The following ITGA2B variants were observed in gnomAD, a reference collection of about 807,000 sequenced individuals.
The protein encoded by ITGA2B is integrin alpha-IIb.
A neutral mutation model predicts 142.0 loss-of-function variants in ITGA2B; 91 were observed. That is an observed-to-expected ratio of 0.64 (90% CI 0.54 to 0.76). The LOEUF (loss-of-function observed/expected upper bound fraction) is 0.76. Ranked by LOEUF, ITGA2B falls within the 30% of genes least tolerant of loss-of-function variation. The pLI, the probability that ITGA2B is intolerant of heterozygous loss-of-function variation, is 0.00. For missense variants in ITGA2B, 1,231 were observed against 1,350.8 expected (o/e 0.91, Z 1.39); for synonymous variants, 536 against 567.2 (o/e 0.94, Z 0.78).
intron 12 of ITGA2B, among the ~76,000 whole-genome samples, chr17:44,381,748 C>G (rs1387864105): frequency 1.3e-5 from 2 of 152,006 alleles, no homozygotes; most frequent in Non-Finnish European, 2.9e-5. Flanking sequence ...ATCCTCCCAC[C>G]TCAGCTTCCC....
In ITGA2B at chr17:44,376,456, C is replaced by A. The variant is rs1354248844; in HGVS notation, c.2268-68G>T. 7 of 1,459,196 alleles carry A rather than the reference C, an allele frequency of 4.8e-6. No individual in the cohort carries two copies. In the Admixed American group the frequency reaches 5.0e-5, roughly 10 times the overall value. The allele number at this position is 1,459,196 out of a possible 1,614,324, so 90.4% of individuals were successfully genotyped here. A position where few individuals can be genotyped will look rare whatever the true frequency, so the allele number is the denominator to read the frequency against. ...GCCCAGTGACTTTCTGGGGGTGAGG[C>A]CAGAATTTTAGAGAGTTCAGAGAGA... On this transcript the variant is annotated intron_variant, in intron 22 of 29. Transcript: ENST00000262407.
chr17:44,383,459 C>A, intron 12 of ITGA2B, 34 bp downstream of exon 12: 2 of 1,573,360 alleles, frequency 1.3e-6, no homozygotes, highest in South Asian at 1.2e-5. Context: ...CTGTTAACCC[C>A]TCTGCAGCAA....
intron 18 of ITGA2B, among the ~76,000 whole-genome samples, chr17:44,379,140 T>TAG (rs1364258837): frequency 2.7e-5 from 4 of 150,712 alleles, no homozygotes; most frequent in Admixed American, 6.6e-5. Flanking sequence ...GTATTTTTAG[T>TAG]AGACGGGGTT....
intron 22 of ITGA2B, among the ~76,000 whole-genome samples, chr17:44,376,612 T>C (rs968141480): frequency 7.2e-5 from 11 of 151,946 alleles, no homozygotes; most frequent in African/African-American, 1.7e-4. Context: ...TTTTTTTTTT[T>C]CTTTTGAGAT....
In ITGA2B at chr17:44,379,713, A is replaced by G. The variant is rs774140212; in HGVS notation, c.1854T>C (p.His618=). ...CCTGCTCCTGCACATGGGTGTCTCC[A>G]TGCAGCACGACAGCAGGGGCCATTC... The part of the protein sequence containing the change: ...EAGMAPAVVL[H]GDTHVQEQTR... The change falls in exon 18 of 30, where the codon CAT becomes CAC. Residue 618 remains histidine, a synonymous_variant. Coordinates refer to ENST00000262407, the MANE Select transcript of ITGA2B (RefSeq NM_000419.5). 9.3e-6 allele frequency: 15 copies of G among 1,613,796 alleles called. No homozygotes were observed. The South Asian group carries it at 1.4e-4, about 15-fold the overall frequency.
chr17:44,377,213 C>T (rs2048552915), intron 21 of ITGA2B, 125 bp from the exon 22 acceptor site: 18 of 752,210 alleles, frequency 2.4e-5, no homozygotes, highest in South Asian at 2.2e-4. Context: ...TTTTTTTTTC[C>T]GAGACGGAGT....
intron 29 of ITGA2B, 148 bp downstream of exon 29, chr17:44,374,206 G>C: frequency 1.3e-6 from 1 of 776,086 alleles, no homozygotes; most frequent in Admixed American, 1.7e-5. Context: ...CCACTGGACC[G>C]AGAATGACAT....
In ITGA2B at chr17:44,389,185, T is replaced by C. The variant is rs796874056; in HGVS notation, c.188+101A>G. The stretch of plus-strand genomic sequence containing the variant: ...CCTGAATAGGCCCCACAAGTCACCT[T>C]GCTCAACTGCTATCGCAAATGGGAA... On this transcript the variant is annotated intron_variant, in intron 1 of 29. Coordinates refer to ENST00000262407, the MANE Select transcript of ITGA2B (RefSeq NM_000419.5). The C allele has an allele frequency of 7.6e-6, 10 of 1,320,480 alleles. No homozygotes were observed. The African/African-American group carries it at 1.0e-4, about 13-fold the overall frequency. 81.8% of individuals were successfully genotyped at this position (1,320,480 alleles called of 1,614,324 possible). A position where few individuals can be genotyped will look rare whatever the true frequency, so the allele number is the denominator to read the frequency against.
intron 20 of ITGA2B, 123 bp downstream of exon 20, chr17:44,378,235 AAAAT>A: frequency 7.9e-7 from 1 of 1,270,534 alleles, no homozygotes; most frequent in African/African-American, 1.5e-5. Context: ...AATTAAAAAA[AAAAT>A]AAAAAATTAC....
At position 44,375,697 on chromosome 17, in the gene ITGA2B, A is replaced by C. The variant is rs5911; in HGVS notation, c.2621T>G (p.Ile874Ser). 0.38 allele frequency: 603,919 copies of C among 1,590,510 alleles called. 114,929 individuals are homozygous for C. Among genetic ancestry groups the C allele is most frequent in the East Asian group, 0.43 (18,936 of 44,064 alleles). ...CGGGTGAATGGGGGAGGGGCTGGGGATGGGCAGCCCCCAGTCCACCTGGGG... is the reference window on the plus strand; with the variant it reads ...CGGGTGAATGGGGGAGGGGCTGGGGCTGGGCAGCCCCCAGTCCACCTGGGG... The part of the protein sequence containing the change: ...NPLKVDWGLP[I>S]PSPSPIHPAH... Residue 874 changes from isoleucine to serine, a missense_variant, in exon 26 of 30, where the codon ATC becomes AGC. Physicochemically the swap from Ile to Ser is moderately radical, Grantham distance 142 (BLOSUM62 -2). Around this residue, in one of 3 missense-constraint regions of ITGA2B, gnomAD observed 908 missense variants for 1,021.1 expected, o/e 0.89. Coordinates refer to ENST00000262407, the MANE Select transcript of ITGA2B (RefSeq NM_000419.5).
chr17:44,384,362 TAGGGAGAGCCAGGCTC>T lies in ITGA2B; in HGVS notation c.848-24_848-9del, dbSNP rs1279235596. ...GGGCACCGACGACATATTCTGGCGA[TAGGGAGAGCCAGGCTC>T]AGGGAATGAGAGCCTTAGAACCTAC... On this transcript the variant is annotated splice_polypyrimidine_tract_variant and intron_variant, in intron 8 of 29. Transcript: ENST00000262407. 6.2e-7 allele frequency: 1 copy of T among 1,613,500 alleles called. No homozygotes were observed. Among genetic ancestry groups the T allele is most frequent in the East Asian group, 2.2e-5 (1 of 44,874 alleles).
rs924329423 is a variant in ITGA2B at position 44,375,171 on chromosome 17, C to A, written c.2728-60G>T. On this transcript the variant is annotated intron_variant, in intron 26 of 29. Coordinates refer to ENST00000262407, the MANE Select transcript of ITGA2B (RefSeq NM_000419.5). ...CGGCCCATCACCCCATCATCCCCCA[C>A]CCCCTTACCCCCAGGACCCAACGCA... 8.5e-6 allele frequency: 12 copies of A among 1,416,270 alleles called. No homozygotes were observed. In the South Asian group the frequency reaches 1.5e-4, roughly 17 times the overall value. 87.7% of individuals were successfully genotyped at this position (1,416,270 alleles called of 1,614,324 possible).
chr17:44,385,610 G>T lies in ITGA2B; in HGVS notation c.515C>A (p.Ala172Asp). 6.2e-7 allele frequency: 1 copy of T among 1,612,120 alleles called. No homozygotes were observed. The highest frequency in any genetic ancestry group is 8.5e-7 in the Non-Finnish European group (1 of 1,179,684). ...FLAQPESGRR[A>D]EYSPCRGNTL... ...GTTCCCGCGACAGGGGGAGTACTCG[G>T]CGCGGCGGCCGCTCTCTGGCTGAGC... Residue 172 changes from alanine (A) to aspartate (D), a missense_variant, in exon 4 of 30, where the codon GCC becomes GAC. Physicochemically the swap from Ala to Asp is moderately radical, Grantham distance 126. Coordinates refer to ENST00000262407, the MANE Select transcript of ITGA2B (RefSeq NM_000419.5).
rs1163499400 is a variant in ITGA2B, at chr17:44,377,084, C to A, written c.2192G>T (p.Gly731Val). The A allele has an allele frequency of 1.3e-6, 2 of 1,574,078 alleles. No homozygotes were observed. Among genetic ancestry groups the A allele is most frequent in the East Asian group, 2.3e-5 (1 of 43,320 alleles). ...GNPMKKNAQI[G>V]IAMLVSVGNL... ...CCCCACGCTCACCAACATCGCGATT[C>A]CTATCTGGGAGATGAGGAGGGCCAA... Residue 731 changes from glycine (G) to valine (V), a missense_variant, in exon 22 of 30, where the codon GGA becomes GTA. Around this residue, in one of 3 missense-constraint regions of ITGA2B, gnomAD observed 908 missense variants for 1,021.1 expected, o/e 0.89. Transcript: ENST00000262407.
chr17:44,377,563 C>T, intron 21 of ITGA2B, 135 bp downstream of exon 21: 1 of 710,936 alleles, frequency 1.4e-6, no homozygotes, highest in Non-Finnish European at 2.5e-6. Flanking sequence ...AGTCACTCAC[C>T]CAAGGACATG....
In ITGA2B at chr17:44,379,234, G is replaced by C. The variant is rs528316308; in HGVS notation, c.1878+455C>G. Among the ~76,000 whole-genome samples, 8 of 149,072 alleles carry C rather than the reference G, an allele frequency of 5.4e-5. 1 individual carries two copies. In the South Asian group the frequency reaches 1.7e-3, roughly 32 times the overall value. ...CTCCCAAAGTGCTGGGATTACAGGCGTGAGCCACTGCGCCTGGCTTTTTTT... is the reference window on the plus strand; with the variant it reads ...CTCCCAAAGTGCTGGGATTACAGGCCTGAGCCACTGCGCCTGGCTTTTTTT... On this transcript the variant is annotated intron_variant, in intron 18 of 29. Transcript: ENST00000262407.
At chr17:44,377,406 G>A (rs2048554739) in intron 21 of ITGA2B, among the ~76,000 whole-genome samples, 1 of 152,030 alleles carries the variant, frequency 6.6e-6, no homozygotes, top group South Asian at 2.1e-4. Flanking sequence ...ATGTTGGCCA[G>A]GCTGGTCTTG....
In ITGA2B at chr17:44,385,813, G is replaced by T. The variant is rs768343439; in HGVS notation, c.408+11C>A. 6.2e-7 allele frequency: 1 copy of T among 1,604,768 alleles called. No homozygotes were observed. Among genetic ancestry groups the T allele is most frequent in the Non-Finnish European group, 8.5e-7 (1 of 1,175,406 alleles). ...CCGATTGTTCCCTGTGCCCTGTACC[G>T]CGGGGCCCACCACAATGACGTCGCT... On this transcript the variant is annotated intron_variant, in intron 3 of 29. Coordinates refer to ENST00000262407, the MANE Select transcript of ITGA2B (RefSeq NM_000419.5).
rs80002943 is a variant in ITGA2B at position 44,374,732 on chromosome 17, G to A, written c.2870C>T (p.Ser957Leu). 1.2e-6 allele frequency: 2 copies of A among 1,614,072 alleles called. No homozygotes were observed. Among genetic ancestry groups the A allele is most frequent in the East Asian group, 2.2e-5 (1 of 44,878 alleles). The change falls in exon 28 of 30, where the codon TCG (serine) becomes TTG (leucine). Residue 957 changes from serine (S) to leucine (L), a missense_variant. Around this residue, in one of 3 missense-constraint regions of ITGA2B, gnomAD observed 908 missense variants for 1,021.1 expected, o/e 0.89. Coordinates refer to ENST00000262407, the MANE Select transcript of ITGA2B (RefSeq NM_000419.5). ...GGAGGACACGTTGAACCATGCGTGC[G>A]ACTGCAGCACAAACTGATCCAGAGG... ...QRPLDQFVLQ[S>L]HAWFNVSSLP...
Sources: gnomAD v4.1 joint callset for allele counts (sites outside exome capture counted in the v4.1 genomes callset) on GRCh38, gnomAD v4.1.1 for gene constraint, gnomAD v4.1.1 regional missense constraint, MANE v1.5 for transcripts, NCBI Gene and HGNC (gene_info 2026-07-23, HGNC 2026-07-21) for gene names.